Variants in TMEM92 observed in about 807,000 individuals in gnomAD.
TMEM92 encodes the protein transmembrane protein 92.
In TMEM92, 15 loss-of-function variants were observed where a neutral mutation model predicts 14.6. That is an observed-to-expected ratio of 1.03 (90% confidence interval 0.69 to 1.58). The LOEUF is 1.58. Among genes scored for constraint, TMEM92 ranks in the 40% most tolerant of loss-of-function variants. The pLI is 0.00. For missense variants in TMEM92, 174 were observed against 202.4 expected (o/e 0.86, Z 0.85); for synonymous variants, 85 against 83.3 (o/e 1.02, Z -0.11).
chr17:50,278,420 C>A, intron 2 of TMEM92, 136 bp from the exon 3 acceptor site: 1 of 920,234 alleles, frequency 1.1e-6, no homozygotes, highest in Non-Finnish European at 1.7e-6. Context: ...AGAGCGGGGG[C>A]CATACCCCCC....
chr17:50,274,201 G>A (rs550855488), upstream of TMEM92, among the ~76,000 whole-genome samples: 35 of 152,090 alleles, frequency 2.3e-4, 1 homozygote, highest in South Asian at 7.3e-3. Context: ...AGCTGGTCTC[G>A]AACTCCTGAC....
chr17:50,274,852 C>A, intron 1 of TMEM92: 1 of 480,690 alleles, frequency 2.1e-6, no homozygotes, highest in Non-Finnish European at 3.7e-6. Flanking sequence ...TGAATAGGGA[C>A]TTTGGACCCC....
intron 1 of TMEM92, among the ~76,000 whole-genome samples, chr17:50,277,085 G>A (rs1431771577): frequency 6.6e-6 from 1 of 152,158 alleles, no homozygotes; most frequent in Non-Finnish European, 1.5e-5. Context: ...AAGCTGATTT[G>A]GGAGGCGGGG....
At position 50,278,619 on chromosome 17, in the gene TMEM92, T is replaced by C; in HGVS notation, c.159T>C (p.Pro53=). ...GCTGCCAGGAGAACGAGCTCTTCCC[T>C]GGCCCCGTGAGGTGAGCCCAGGGCC... ...DSCCQENELF[P]GPVRIFVIIF... The change falls in exon 3 of 5, where the codon CCT becomes CCC. Residue 53 remains proline, a synonymous_variant. Transcript: ENST00000507382. 1.2e-6 allele frequency: 2 copies of C among 1,613,898 alleles called. No individual in the cohort carries two copies. The highest frequency in any genetic ancestry group is 1.7e-6 in the Non-Finnish European group (2 of 1,179,952).
In TMEM92 at chr17:50,279,984, G is replaced by A. The variant is rs1910564958; in HGVS notation, c.*676G>A. ...CCTCGGAGAGAGGCTTGTTCTAGAT[G>A]TATTGGCTGTCTGTTTTTTGATGTC... On this transcript the variant is annotated 3_prime_UTR_variant, in exon 5 of 5. Transcript: ENST00000507382. 6.6e-6 allele frequency: 1 copy of A among 152,540 alleles called. No individual in the cohort carries two copies. Among genetic ancestry groups the A allele is most frequent in the African/African-American group, 2.4e-5 (1 of 41,432 alleles). The allele number at this position is 152,540 out of a possible 1,614,324, so 9.4% of individuals were successfully genotyped here.
chr17:50,274,386 T>C, upstream of TMEM92: 4 of 1,040,440 alleles, frequency 3.8e-6, no homozygotes, highest in Non-Finnish European at 5.8e-6. Flanking sequence ...CGAGTCCGCC[T>C]CTCCCGGTGC....
chr17:50,277,901 AC>A (rs1230822823), intron 2 of TMEM92, among the ~76,000 whole-genome samples, 161 bp downstream of exon 2: 1 of 151,708 alleles, frequency 6.6e-6, no homozygotes, highest in Non-Finnish European at 1.5e-5. Context: ...AAAGAGGGAG[AC>A]CCCACCCTCT....
At chr17:50,272,935 C>A (rs1004015340), upstream of TMEM92, among the ~76,000 whole-genome samples, 1 of 151,620 alleles carries the variant, frequency 6.6e-6, no homozygotes, top group Non-Finnish European at 1.5e-5. Context: ...GGGAAGAAAC[C>A]GAAACAGAAA....
chr17:50,274,136 G>T (rs1053089617), upstream of TMEM92, among the ~76,000 whole-genome samples: 3 of 145,652 alleles, frequency 2.1e-5, no homozygotes, highest in Non-Finnish European at 4.5e-5. Flanking sequence ...CCGCCACCAC[G>T]CCCGGCTAAA....
chr17:50,274,423 C>A, upstream of TMEM92: 2 of 1,508,036 alleles, frequency 1.3e-6, no homozygotes, highest in Non-Finnish European at 1.8e-6. Flanking sequence ...CGAGGCGGGG[C>A]CCCATAGGTG....
In TMEM92 at chr17:50,279,663, A is replaced by G. The variant is rs1910554015; in HGVS notation, c.*355A>G. On this transcript the variant is annotated 3_prime_UTR_variant, in exon 5 of 5. Coordinates refer to ENST00000507382, the MANE Select transcript of TMEM92 (RefSeq NM_153229.3). ...TCTTGACTGGACAGCCAGCTCTGAG[A>G]TTTTATCAGGGCACTTCTATACCTG... The G allele has an allele frequency of 3.2e-6, 1 of 309,128 alleles. No homozygotes were observed. The highest frequency in any genetic ancestry group is 5.1e-5 in the Admixed American group (1 of 19,662). 19.1% of individuals were successfully genotyped at this position (309,128 alleles called of 1,614,324 possible). A position where few individuals can be genotyped will look rare whatever the true frequency, so the allele number is the denominator to read the frequency against.
intron 1 of TMEM92, among the ~76,000 whole-genome samples, chr17:50,277,418 G>A (rs1910461929): frequency 6.6e-6 from 1 of 152,034 alleles, no homozygotes; most frequent in Admixed American, 6.5e-5. Flanking sequence ...CCTGAGCCAT[G>A]GGTGTCACGG....
intron 1 of TMEM92, among the ~76,000 whole-genome samples, chr17:50,275,877 C>G (rs1043374782): frequency 6.6e-6 from 1 of 152,074 alleles, no homozygotes; most frequent in Non-Finnish European, 1.5e-5. Context: ...CAGTGGCTCA[C>G]GCCTGTAATC....
At chr17:50,273,757 C>G (rs867710104), upstream of TMEM92, among the ~76,000 whole-genome samples, 1 of 152,116 alleles carries the variant, frequency 6.6e-6, no homozygotes, top group African/African-American at 2.4e-5. Flanking sequence ...TACCCTAGAA[C>G]CTTCGCCTTC....
chr17:50,279,315 T>C lies in TMEM92; in HGVS notation c.*7T>C. On this transcript the variant is annotated 3_prime_UTR_variant, in exon 5 of 5. Transcript: ENST00000507382. ...TGACAACCCGGCCTTCTGAGTCACCTCCTGCCTGGAATCTTGCCATCAGCA... is the reference window on the plus strand; with the variant it reads ...TGACAACCCGGCCTTCTGAGTCACCCCCTGCCTGGAATCTTGCCATCAGCA... The C allele has an allele frequency of 6.2e-7, 1 of 1,612,708 alleles. No homozygotes were observed. The highest frequency in any genetic ancestry group is 8.5e-7 in the Non-Finnish European group (1 of 1,178,890).
chr17:50,275,410 T>A (rs1201791163), intron 1 of TMEM92, among the ~76,000 whole-genome samples: 1 of 152,030 alleles, frequency 6.6e-6, no homozygotes, highest in East Asian at 1.9e-4. Flanking sequence ...GAGCAAGGTG[T>A]TCCTTCTAAA....
upstream of TMEM92, chr17:50,271,537 A>T (rs1465589364): frequency 2.0e-5 from 3 of 152,074 alleles, no homozygotes; most frequent in Non-Finnish European, 2.9e-5. Context: ...CTTTGTTTGC[A>T]GAGACAGGGT....
Position 50,277,701 on chromosome 17 carries a change from C to G in TMEM92, c.70-14C>G. 1 of 1,613,976 alleles carries G rather than the reference C, an allele frequency of 6.2e-7. No homozygotes were observed. On this transcript the variant is annotated splice_polypyrimidine_tract_variant and intron_variant, in intron 1 of 4. Coordinates refer to ENST00000507382, the MANE Select transcript of TMEM92 (RefSeq NM_153229.3). ...TTTATGACCCTGACCCCCGACCTCT[C>G]TTTTCTTCCACAGATTGCAGCCAAA...
Position 50,280,911 on chromosome 17 carries a change from G to C in TMEM92, c.*1603G>C, listed in dbSNP as rs1490289358. ...CCCTTTACTTTCAGGGATTGGTCAG[G>C]GGTGGCAGAAAACATGTGGGTTCTT... On this transcript the variant is annotated 3_prime_UTR_variant, in exon 5 of 5. Transcript: ENST00000507382. The C allele has an allele frequency of 6.6e-6, 1 of 152,426 alleles. No individual in the cohort carries two copies. The highest frequency in any genetic ancestry group is 2.1e-4 in the South Asian group (1 of 4,834). The allele number at this position is 152,426 out of a possible 1,614,324, so 9.4% of individuals were successfully genotyped here.
Sources: gnomAD v4.1 joint callset for allele counts (sites outside exome capture counted in the v4.1 genomes callset) on GRCh38, gnomAD v4.1.1 for gene constraint, MANE v1.5 for transcripts, NCBI Gene and HGNC (gene_info 2026-07-23, HGNC 2026-07-21) for gene names.